The following ZBBX variants were observed in gnomAD, a reference collection of about 807,000 sequenced individuals.
ZBBX encodes the protein zinc finger B-box domain containing, also known as zinc finger B-box domain-containing protein 1.
A neutral mutation model predicts 108.5 loss-of-function variants in ZBBX; 101 were observed. The ratio of observed to expected loss-of-function variants is 0.93; its 90% CI spans 0.79 to 1.10. ZBBX has a LOEUF of 1.10. ZBBX is among the 50% of genes least tolerant of loss of function. ZBBX has a pLI of 0.00. For missense variants in ZBBX, 1,009 were observed against 941.4 expected (o/e 1.07, Z -0.94); for synonymous variants, 356 against 323.4 (o/e 1.10, Z -1.08).
intron 4 of ZBBX, among the ~76,000 whole-genome samples, chr3:167,369,780 A>C (rs1745885578): frequency 6.6e-6 from 1 of 152,174 alleles, no homozygotes; most frequent in South Asian, 2.1e-4. Context: ...CAGTTCCTGG[A>C]GAAGGTGAAG....
chr3:167,258,783 T>A (rs193016118), intron 20 of ZBBX, among the ~76,000 whole-genome samples: 1 of 152,336 alleles, frequency 6.6e-6, no homozygotes, highest in East Asian at 1.9e-4. Context: ...TTTATTGACT[T>A]GATTATGGCA....
chr3:167,230,089 A>C, the ZBBX span, among the ~76,000 whole-genome samples: 1 of 151,824 alleles, frequency 6.6e-6, no homozygotes, highest in Non-Finnish European at 1.5e-5. Context: ...CCTTGGGCAT[A>C]TTATTTAAGC....
intron 1 of ZBBX, among the ~76,000 whole-genome samples, chr3:167,389,845 T>C (rs1748038011): frequency 6.6e-6 from 1 of 152,016 alleles, no homozygotes; most frequent in Admixed American, 6.6e-5. Flanking sequence ...TTTAAGTTCC[T>C]TGTAGATTCT....
intron 8 of ZBBX, among the ~76,000 whole-genome samples, chr3:167,359,115 A>C (rs1326528526): frequency 6.6e-6 from 1 of 152,186 alleles, no homozygotes; most frequent in Non-Finnish European, 1.5e-5. Flanking sequence ...GTACAATGGA[A>C]TACTACTCCA....
At chr3:167,335,864 C>A (rs1739457363) in intron 9 of ZBBX, among the ~76,000 whole-genome samples, 1 of 151,736 alleles carries the variant, frequency 6.6e-6, no homozygotes, top group African/African-American at 2.4e-5. Flanking sequence ...CAAATTTTCC[C>A]AATGATTCTC....
intron 9 of ZBBX, among the ~76,000 whole-genome samples, chr3:167,348,034 C>A (rs909058813): frequency 6.6e-6 from 1 of 151,882 alleles, no homozygotes; most frequent in African/African-American, 2.4e-5. Context: ...GTATATTCTA[C>A]AATGAGATTT....
chr3:167,281,504 A>G (rs1728810573), intron 20 of ZBBX, among the ~76,000 whole-genome samples: 1 of 152,128 alleles, frequency 6.6e-6, no homozygotes, highest in African/African-American at 2.4e-5. Flanking sequence ...GGACCAAAGA[A>G]TTTTCTAGCC....
chr3:167,300,976 G>A (rs1287942271), intron 17 of ZBBX, among the ~76,000 whole-genome samples: 1 of 149,392 alleles, frequency 6.7e-6, no homozygotes, highest in Non-Finnish European at 1.5e-5. Context: ...TGTTACATAG[G>A]TAAATTTGTG....
chr3:167,294,370 C>G (rs1471328710), intron 18 of ZBBX, among the ~76,000 whole-genome samples: 1 of 152,076 alleles, frequency 6.6e-6, no homozygotes, highest in Non-Finnish European at 1.5e-5. Flanking sequence ...TGGAACAGAA[C>G]AGAGCCCTCA....
chr3:167,392,464 G>A (rs895241975), intron 1 of ZBBX, among the ~76,000 whole-genome samples: 3 of 151,752 alleles, frequency 2.0e-5, no homozygotes, highest in Admixed American at 6.6e-5. Context: ...GAGTAGTATG[G>A]TAAGTTTATA....
intron 18 of ZBBX, among the ~76,000 whole-genome samples, chr3:167,295,155 C>G (rs987104758): frequency 6.6e-6 from 1 of 152,052 alleles, no homozygotes; most frequent in Non-Finnish European, 1.5e-5. Flanking sequence ...GGATCTAGAA[C>G]TAGAAATACC....
At chr3:167,365,049 A>G (rs1475374761) in intron 6 of ZBBX, among the ~76,000 whole-genome samples, 1 of 151,838 alleles carries the variant, frequency 6.6e-6, no homozygotes, top group East Asian at 1.9e-4. Context: ...TAATAGTCTT[A>G]CAAATAGCCT....
At chr3:167,306,086 TA>T in intron 16 of ZBBX, 136 bp from the exon 17 acceptor site, 1 of 639,014 alleles carries the variant, frequency 1.6e-6, no homozygotes, top group Non-Finnish European at 2.5e-6. Context: ...ACTGATGTTT[TA>T]GTGTTAAAAT....
intron 19 of ZBBX, among the ~76,000 whole-genome samples, chr3:167,284,179 C>CATATATATATATAT (rs202245834): frequency 1.6e-3 from 190 of 117,568 alleles, no homozygotes; most frequent in Non-Finnish European, 2.2e-3. Context: ...GTGTTAAAAA[C>CATATATATATATAT]ATATATCTAT....
In ZBBX at chr3:167,284,179, C is replaced by CATATATAT. The variant is rs202245834; in HGVS notation, c.1997-1685_1997-1684insATATATAT. Among the ~76,000 whole-genome samples the CATATATAT allele has an allele frequency of 3.0e-3, 354 of 117,590 alleles. 1 individual carries two copies. Among genetic ancestry groups the CATATATAT allele is most frequent in the Admixed American group, 5.9e-3 (69 of 11,660 alleles). The allele number at this position is 117,590 out of a possible 152,430, so 77.1% of individuals were successfully genotyped here. A position where few individuals can be genotyped will look rare whatever the true frequency, so the allele number is the denominator to read the frequency against. ...CTAAAATATGCCTAAGTGTTAAAAA[C>CATATATAT]ATATATCTATATCTATATATATATA... On this transcript the variant is annotated intron_variant, in intron 19 of 21. Transcript: ENST00000675490.
In ZBBX at chr3:167,252,071, G is replaced by C. The variant is rs762980779; in HGVS notation, c.2255-9428C>G. On this transcript the variant is annotated intron_variant, in intron 20 of 21. Coordinates refer to ENST00000675490, the MANE Select transcript of ZBBX (RefSeq NM_001199201.2). The stretch of plus-strand genomic sequence containing the variant: ...CCTCTGCCCTTCTCAGGTACTTCTA[G>C]AATGGCAGTCTGATATCAGCCACAG... The C allele has an allele frequency of 2.0e-4, 227 of 1,132,720 alleles. 3 individuals are homozygous for C. The highest frequency in any genetic ancestry group is 2.3e-4 in the Non-Finnish European group (200 of 853,494). 70.2% of individuals were successfully genotyped at this position (1,132,720 alleles called of 1,614,324 possible). A position where few individuals can be genotyped will look rare whatever the true frequency, so the allele number is the denominator to read the frequency against.
chr3:167,365,967 C>G lies in ZBBX; in HGVS notation c.192G>C (p.Glu64Asp). The G allele has an allele frequency of 6.2e-7, 1 of 1,604,458 alleles. No individual in the cohort carries two copies. The highest frequency in any genetic ancestry group is 1.1e-5 in the South Asian group (1 of 90,256). ...CCACTTTTCCAGATTTCCAGTAATA[C>G]TCGCTTGACCTTTAATATATATAAA... The part of the protein sequence containing the change: ...NKEKEDRESS[E>D]YYWKSGKVGK... The change falls in exon 6 of 22, where the codon GAG becomes GAC. Residue 64 changes from glutamate to aspartate, a missense_variant. Glu to Asp is a conservative substitution (Grantham distance 45). Transcript: ENST00000675490.
the ZBBX span, among the ~76,000 whole-genome samples, chr3:167,217,930 G>A: frequency 9.3e-3 from 1,338 of 144,614 alleles, 21 homozygotes; most frequent in African/African-American, 0.032. Flanking sequence ...TCGCTCTGTC[G>A]CCCAGGCTGG....
At position 167,348,251 on chromosome 3, in the gene ZBBX, G is replaced by A. The variant is rs551972989; in HGVS notation, c.528+2169C>T. 6.7e-5 allele frequency among the ~76,000 whole-genome samples: 8 copies of A among 119,464 alleles called. No homozygotes were observed. The South Asian group carries it at 2.3e-3, about 35-fold the overall frequency. The allele number at this position is 119,464 out of a possible 152,430, so 78.4% of individuals were successfully genotyped here. A position where few individuals can be genotyped will look rare whatever the true frequency, so the allele number is the denominator to read the frequency against. ...GGAGGAGGGAAGGAAGGGAGGGAGG[G>A]AGGGTGGAAGGGAAGGAAGGAAGGA... On this transcript the variant is annotated intron_variant, in intron 9 of 21. Coordinates refer to ENST00000675490, the MANE Select transcript of ZBBX (RefSeq NM_001199201.2).
Sources: allele counts gnomAD v4.1 joint callset (sites outside exome capture counted in the v4.1 genomes callset), GRCh38; gene constraint gnomAD v4.1.1; transcripts MANE v1.5; gene names NCBI Gene and HGNC (gene_info 2026-07-23, HGNC 2026-07-21).